Variants in ZBBX observed in about 807,000 individuals in gnomAD.
ZBBX encodes the protein zinc finger B-box domain containing.
In ZBBX, 101 loss-of-function variants were observed where a neutral mutation model predicts 108.5. The observed-to-expected ratio is 0.93, with a 90% CI of 0.79 to 1.10. The LOEUF is 1.10. Among genes scored for constraint, ZBBX ranks in the 50% least tolerant of loss-of-function variants. The pLI is 0.00. For missense variants in ZBBX, 1,009 were observed against 941.4 expected (o/e 1.07, Z -0.94); for synonymous variants, 356 against 323.4 (o/e 1.10, Z -1.08).
chr3:167,404,081 C>A (rs6770504), intron 1 of ZBBX, among the ~76,000 whole-genome samples: 1,619 of 152,108 alleles, frequency 0.011, 31 homozygotes, highest in African/African-American at 0.036. Flanking sequence ...GCATTTTAAA[C>A]GCAACATGGA....
intron 9 of ZBBX, among the ~76,000 whole-genome samples, chr3:167,345,788 G>A (rs975494819): frequency 1.3e-5 from 2 of 151,750 alleles, no homozygotes; most frequent in Non-Finnish European, 2.9e-5. Flanking sequence ...CAAAGCTGGA[G>A]GCATCACGCT....
At chr3:167,298,844 G>A (rs1487327748) in intron 17 of ZBBX, among the ~76,000 whole-genome samples, 1 of 151,910 alleles carries the variant, frequency 6.6e-6, no homozygotes, top group South Asian at 2.1e-4. Flanking sequence ...TTTCAAAACT[G>A]AAGGTGAAAT....
At chr3:167,385,142 T>A (rs1441613715), upstream of ZBBX, among the ~76,000 whole-genome samples, 1 of 152,068 alleles carries the variant, frequency 6.6e-6, no homozygotes, top group African/African-American at 2.4e-5. Flanking sequence ...TAGGTTATTT[T>A]GTCATTGTAC....
At chr3:167,352,457 C>T (rs1742825437) in intron 8 of ZBBX, among the ~76,000 whole-genome samples, 1 of 151,918 alleles carries the variant, frequency 6.6e-6, no homozygotes, top group Non-Finnish European at 1.5e-5. Flanking sequence ...CCAGAACAGA[C>T]CAATATGAGT....
intron 1 of ZBBX, among the ~76,000 whole-genome samples, chr3:167,391,979 T>G (rs1355894351): frequency 6.6e-6 from 1 of 151,712 alleles, no homozygotes; most frequent in Non-Finnish European, 1.5e-5. Flanking sequence ...AGCTCCAAGA[T>G]AAATATAGAT....
intron 20 of ZBBX, among the ~76,000 whole-genome samples, chr3:167,279,604 A>T (rs988341291): frequency 6.6e-6 from 1 of 151,794 alleles, no homozygotes; most frequent in African/African-American, 2.4e-5. Flanking sequence ...AAGAGGATAC[A>T]AACAAATGGA....
chr3:167,403,619 G>C (rs930869210), intron 1 of ZBBX, among the ~76,000 whole-genome samples: 2 of 151,972 alleles, frequency 1.3e-5, no homozygotes, highest in African/African-American at 4.8e-5. Flanking sequence ...ATATGAAAAA[G>C]TAAAATGCTT....
At chr3:167,283,160 T>C (rs559518662) in intron 19 of ZBBX, among the ~76,000 whole-genome samples, 1 of 152,328 alleles carries the variant, frequency 6.6e-6, no homozygotes, top group South Asian at 2.1e-4. Flanking sequence ...CAGTCGCTAC[T>C]TTGTCTTCAC....
At chr3:167,285,182 CA>C (rs1729485045) in intron 19 of ZBBX, among the ~76,000 whole-genome samples, 1 of 151,854 alleles carries the variant, frequency 6.6e-6, no homozygotes, top group Admixed American at 6.6e-5. Context: ...AGATAAAATT[CA>C]ATAGTGACTT....
chr3:167,303,501 ATCCTACTTCT>A (rs146260218), intron 17 of ZBBX, among the ~76,000 whole-genome samples: 2,126 of 152,270 alleles, frequency 0.014, 25 homozygotes, highest in South Asian at 0.026. Context: ...TATTTCTTGC[ATCCTACTTCT>A]TCCTTCCAGG....
chr3:167,293,876 T>C (rs1197236867), intron 18 of ZBBX, among the ~76,000 whole-genome samples: 2 of 152,072 alleles, frequency 1.3e-5, no homozygotes, highest in East Asian at 3.9e-4. Flanking sequence ...TGTGCAAAAA[T>C]CACAAGCATT....
chr3:167,383,005 C>A (rs1047965344), upstream of ZBBX, among the ~76,000 whole-genome samples: 5 of 152,074 alleles, frequency 3.3e-5, no homozygotes, highest in Non-Finnish European at 5.9e-5. Context: ...TTTCTTTGAA[C>A]CAGCTTTACC....
At chr3:167,393,566 T>C (rs1211264873) in intron 1 of ZBBX, among the ~76,000 whole-genome samples, 2 of 151,918 alleles carry the variant, frequency 1.3e-5, no homozygotes, top group Non-Finnish European at 2.9e-5. Context: ...TTGCAGAATG[T>C]TAATAAATAT....
intron 20 of ZBBX, among the ~76,000 whole-genome samples, chr3:167,267,144 C>A (rs116752560): frequency 2.6e-5 from 4 of 152,200 alleles, no homozygotes; most frequent in Non-Finnish European, 4.4e-5. Flanking sequence ...GTCCAATCTG[C>A]GGTTCCACGG....
chr3:167,274,420 G>T (rs1008153195), intron 20 of ZBBX, among the ~76,000 whole-genome samples: 2 of 152,114 alleles, frequency 1.3e-5, no homozygotes, highest in African/African-American at 4.8e-5. Context: ...ATTCAGATAA[G>T]CTTTTCCTTT....
At chr3:167,353,442 G>C (rs1256413256) in intron 8 of ZBBX, among the ~76,000 whole-genome samples, 11 of 152,044 alleles carry the variant, frequency 7.2e-5, no homozygotes, top group African/African-American at 2.2e-4. Flanking sequence ...GCTAAACAAT[G>C]GGTGTTAACT....
chr3:167,303,814 T>G (rs1307937037), intron 17 of ZBBX, among the ~76,000 whole-genome samples: 1 of 152,194 alleles, frequency 6.6e-6, no homozygotes, highest in Non-Finnish European at 1.5e-5. Flanking sequence ...CTTTTAAGAT[T>G]GTCTATGAGG....
chr3:167,190,183 T>C, the ZBBX span, among the ~76,000 whole-genome samples: 2 of 152,102 alleles, frequency 1.3e-5, no homozygotes, highest in Non-Finnish European at 2.9e-5. Flanking sequence ...GTCTAGATAG[T>C]ATAGAGGGAA....
chr3:167,364,852 A>G (rs951801305), intron 6 of ZBBX, among the ~76,000 whole-genome samples: 4 of 151,950 alleles, frequency 2.6e-5, no homozygotes, highest in Non-Finnish European at 5.9e-5. Context: ...AAAACTCTAA[A>G]TGTATACCCC....
Sources: allele counts gnomAD v4.1 joint callset (sites outside exome capture counted in the v4.1 genomes callset), GRCh38; gene constraint gnomAD v4.1.1; transcripts MANE v1.5; gene names NCBI Gene and HGNC (gene_info 2026-07-23, HGNC 2026-07-21).